The following FLNC variants were observed in gnomAD, a reference collection of about 807,000 sequenced individuals.
FLNC encodes the protein filamin C.
FLNC carries 91 observed loss-of-function variants against 254.3 expected under a neutral mutation model. That is an observed-to-expected ratio of 0.36 (90% CI 0.30 to 0.43). The LOEUF (loss-of-function observed/expected upper bound fraction) is 0.43, where lower values mean the gene tolerates loss of function less well. Ranked by LOEUF, FLNC falls within the 20% of genes least tolerant of loss-of-function variation. The probability of loss-of-function intolerance (pLI) is 1.00; values close to 1 mark genes in which losing one functional copy is unlikely to be tolerated. For missense variants in FLNC, 2,853 were observed against 3,802.6 expected (o/e 0.75, Z 6.57); for synonymous variants, 1,430 against 1,577.2 (o/e 0.91, Z 2.21).
rs772309921 is a variant in FLNC, at chr7:128,842,406, A to T, written c.2265+32A>T. ...CCTCCCGGCCTGCCCCGTGCCCACC[A>T]CCAGGGGTCCCTGAGGGAGGGCGGA... On this transcript the variant is annotated intron_variant, in intron 14 of 47. Coordinates refer to ENST00000325888, the MANE Select transcript of FLNC (RefSeq NM_001458.5). This position sits in a 1 kb window ranked among gnomAD's most constrained non-coding sequence, Gnocchi z 5.4. The T allele has an allele frequency of 1.9e-6, 3 of 1,612,916 alleles. No individual in the cohort carries two copies. The highest frequency in any genetic ancestry group is 1.7e-6 in the Non-Finnish European group (2 of 1,179,814).
Position 128,850,061 on chromosome 7 carries a change from G to T in FLNC, c.5285G>T (p.Arg1762Leu), listed in dbSNP as rs779856224. ...TACGCTCCTCCCCGGCCCGGCGCCC[G>T]CCCCACACACTGGGTACTGCGCCTC... is the stretch of plus-strand genomic sequence containing the variant. ...QPYAPPRPGA[R>L]PTHWATEEPV... The change falls in exon 31 of 48, where the codon CGC becomes CTC. Residue 1762 changes from arginine (R) to leucine (L), a missense_variant. Physicochemically the swap from Arg to Leu is moderately radical, Grantham distance 102. Coordinates refer to ENST00000325888, the MANE Select transcript of FLNC (RefSeq NM_001458.5). 6.5e-7 allele frequency: 1 copy of T among 1,540,088 alleles called. No individual in the cohort carries two copies. Among genetic ancestry groups the T allele is most frequent in the Non-Finnish European group, 8.7e-7 (1 of 1,147,740 alleles).
At chr7:128,837,597 G>T (rs1464793834) in intron 4 of FLNC, 40 bp from the exon 5 acceptor site, 2 of 1,613,576 alleles carry the variant, frequency 1.2e-6, no homozygotes, top group South Asian at 2.2e-5. Flanking sequence ...GCACATGTAG[G>T]CTCTCCCTGA....
At chr7:128,837,049 G>T (rs1808118336) in intron 2 of FLNC, 111 bp from the exon 3 acceptor site, 1 of 772,558 alleles carries the variant, frequency 1.3e-6, no homozygotes, top group Non-Finnish European at 2.2e-6. Flanking sequence ...GCCTAGAGCT[G>T]GTGGGAAGGG....
At chr7:128,845,673 G>A (rs749434463) in intron 21 of FLNC, among the ~76,000 whole-genome samples, 5 of 152,110 alleles carry the variant, frequency 3.3e-5, no homozygotes, top group Admixed American at 6.5e-5. Context: ...CATGGGCCAC[G>A]GCAGAGGGAT....
Position 128,856,495 on chromosome 7 carries a change from A to T in FLNC, c.7252-23A>T. 6.2e-7 allele frequency: 1 copy of T among 1,609,782 alleles called. No homozygotes were observed. On this transcript the variant is annotated intron_variant, in intron 43 of 47. Coordinates refer to ENST00000325888, the MANE Select transcript of FLNC (RefSeq NM_001458.5). The surrounding 1 kb of genome is among the most constrained non-coding windows in gnomAD (Gnocchi z 5.9). ...CCAGCCCCGGCCTCCCAGGAGTCTGAGCATCCTCCGTGGCCTTTGCAGGAG... is the reference window on the plus strand; with the variant it reads ...CCAGCCCCGGCCTCCCAGGAGTCTGTGCATCCTCCGTGGCCTTTGCAGGAG...
In FLNC at chr7:128,845,357, T is replaced by A. The variant is rs1808517108; in HGVS notation, c.3790+102T>A. The A allele has an allele frequency of 5.2e-6, 5 of 956,256 alleles. No individual in the cohort carries two copies. The Admixed American group carries it at 9.8e-5, about 19-fold the overall frequency. The allele number at this position is 956,256 out of a possible 1,614,324, so 59.2% of individuals were successfully genotyped here. On this transcript the variant is annotated intron_variant, in intron 21 of 47. Transcript: ENST00000325888. ...AGAGCTGAGAGCTGGAAGAGCAACC[T>A]GGGGTGAAGGGAGGGCTCTCGGAGC...
rs201839252 is a variant in FLNC at position 128,830,931 on chromosome 7, G to A, written c.294G>A (p.Glu98=). Residue 98 remains glutamate (E), a synonymous_variant, in exon 1 of 48, where the codon GAG becomes GAA. Transcript: ENST00000325888. ...CCAACTTCCGCCAAATGAAGCTGGA[G>A]AACGTGTCCGTGGCCCTCGAGTTCC... The part of the protein sequence containing the change: ...PRPNFRQMKL[E]NVSVALEFLE... The A allele has an allele frequency of 4.4e-4, 712 of 1,612,526 alleles. No homozygotes were observed. Among genetic ancestry groups the A allele is most frequent in the Non-Finnish European group, 5.9e-4 (691 of 1,179,976 alleles).
At position 128,852,717 on chromosome 7, in the gene FLNC, C is replaced by T. The variant is rs1416922638; in HGVS notation, c.5969C>T (p.Pro1990Leu). 6.2e-7 allele frequency: 1 copy of T among 1,613,246 alleles called. No individual in the cohort carries two copies. Among genetic ancestry groups the T allele is most frequent in the Non-Finnish European group, 8.5e-7 (1 of 1,179,830 alleles). ...SIRAPSGNEE[P>L]CLLKRLPNRH... Reference sequence around the variant, plus strand: ...CGTGCCCCCTCGGGCAACGAGGAGCCCTGCCTGCTGAAGCGCCTGCCCAAC... The same window carrying T: ...CGTGCCCCCTCGGGCAACGAGGAGCTCTGCCTGCTGAAGCGCCTGCCCAAC... Residue 1990 changes from proline (P) to leucine (L), a missense_variant, in exon 36 of 48, where the codon CCC becomes CTC. Physicochemically the swap from Pro to Leu is moderately conservative, Grantham distance 98. Coordinates refer to ENST00000325888, the MANE Select transcript of FLNC (RefSeq NM_001458.5).
chr7:128,851,953 C>A (rs1808836127), intron 35 of FLNC, among the ~76,000 whole-genome samples: 2 of 152,304 alleles, frequency 1.3e-5, no homozygotes, highest in South Asian at 4.1e-4. Context: ...GCAACCTCCG[C>A]CTCCCGGGTT....
At position 128,843,589 on chromosome 7, in the gene FLNC, C is replaced by T; in HGVS notation, c.2811+12C>T. Reference sequence around the variant, plus strand: ...CCGCTGTCCAGCAGGTGCGCTCTGCCCCTCCCATGCTACCGCCCGGCCGGC... The same window carrying T: ...CCGCTGTCCAGCAGGTGCGCTCTGCTCCTCCCATGCTACCGCCCGGCCGGC... On this transcript the variant is annotated intron_variant, in intron 18 of 47. Transcript: ENST00000325888. 2 of 1,613,570 alleles carry T rather than the reference C, an allele frequency of 1.2e-6. No individual in the cohort carries two copies. The highest frequency in any genetic ancestry group is 1.1e-5 in the South Asian group (1 of 91,078).
Position 128,830,449 on chromosome 7 carries a change from A to C in FLNC, c.-189A>C. ...TCCGGCCCTGGAGGGAGAGAGAGCC[A>C]GAGAGCGGCCGAGCGCCTAGGAGGC... On this transcript the variant is annotated 5_prime_UTR_variant, in exon 1 of 48. Transcript: ENST00000325888. The C allele has an allele frequency of 1.7e-6, 1 of 604,910 alleles. No homozygotes were observed. The allele number at this position is 604,910 out of a possible 1,614,324, so 37.5% of individuals were successfully genotyped here. A position where few individuals can be genotyped will look rare whatever the true frequency, so the allele number is the denominator to read the frequency against.
chr7:128,840,373 CG>C (rs1044007387), intron 9 of FLNC, among the ~76,000 whole-genome samples, 174 bp from the exon 10 acceptor site: 2 of 152,182 alleles, frequency 1.3e-5, no homozygotes, highest in African/African-American at 4.8e-5. Context: ...AAGTGCTATA[CG>C]GGGTGTTATG....
intron 23 of FLNC, 120 bp downstream of exon 23, chr7:128,846,583 G>T: frequency 7.0e-7 from 1 of 1,425,976 alleles, no homozygotes; most frequent in South Asian, 1.2e-5. Context: ...GGTGAGGCAG[G>T]AGCAGACCCC....
rs574041713 is a variant in FLNC at position 128,850,706 on chromosome 7, C to G, written c.5399-97C>G. On this transcript the variant is annotated intron_variant, in intron 32 of 47. Coordinates refer to ENST00000325888, the MANE Select transcript of FLNC (RefSeq NM_001458.5). ...GGCTGTCTCTTGATGCCTGGCTTCT[C>G]GGGTGGCAGCAGAAGCACTCAGGAC... The G allele has an allele frequency of 3.2e-6, 5 of 1,556,390 alleles. No homozygotes were observed. In the East Asian group the frequency reaches 1.2e-4, roughly 36 times the overall value.
chr7:128,833,812 G>A (rs998184949), intron 1 of FLNC, among the ~76,000 whole-genome samples: 3 of 152,200 alleles, frequency 2.0e-5, no homozygotes, highest in African/African-American at 4.8e-5. Context: ...CAGGGAGTGA[G>A]TGTGTCATGG....
rs2128933710 is a variant in FLNC, at chr7:128,835,594, C to A, written c.601+20C>A. The A allele has an allele frequency of 1.2e-6, 2 of 1,611,706 alleles. No individual in the cohort carries two copies. Among genetic ancestry groups the A allele is most frequent in the Non-Finnish European group, 1.7e-6 (2 of 1,179,568 alleles). On this transcript the variant is annotated intron_variant, in intron 2 of 47. Transcript: ENST00000325888. This position sits in a 1 kb window ranked among gnomAD's most constrained non-coding sequence, Gnocchi z 5.3. ...CCCCCGGTGAGTGGGCCAGTGAGCA[C>A]AGCATGGAGCCCTTAGCTCCCAAAG...
chr7:128,857,147 C>T lies in FLNC; in HGVS notation c.7591C>T (p.Leu2531=). The T allele has an allele frequency of 6.2e-7, 1 of 1,614,170 alleles. No individual in the cohort carries two copies. The highest frequency in any genetic ancestry group is 8.5e-7 in the Non-Finnish European group (1 of 1,180,016). The part of the protein sequence containing the change: ...GVSSEFIVNT[L]NAGSGALSVT... The stretch of plus-strand genomic sequence containing the variant: ...GTCATCAGAGTTCATCGTGAACACC[C>T]TGAATGCCGGCTCGGGGGCCTTGTC... The change falls in exon 46 of 48, where the codon CTG becomes TTG. Residue 2531 remains leucine (L), a synonymous_variant. Coordinates refer to ENST00000325888, the MANE Select transcript of FLNC (RefSeq NM_001458.5). The surrounding 1 kb of genome is among the most constrained non-coding windows in gnomAD (Gnocchi z 4.5).
rs1166300876 is a variant in FLNC at position 128,837,433 on chromosome 7, G to A, written c.735G>A (p.Val245=). 1 of 1,614,144 alleles carries A rather than the reference G, an allele frequency of 6.2e-7. No homozygotes were observed. ...CTGAGGAGATTGTGGACCCCAACGT[G>A]GATGAGCATTCTGTTATGACCTACC... is the stretch of plus-strand genomic sequence containing the variant. ...IAPEEIVDPN[V]DEHSVMTYLS... Residue 245 remains valine (V), a synonymous_variant, in exon 4 of 48, where the codon GTG becomes GTA. Transcript: ENST00000325888.
chr7:128,853,768 A>T lies in FLNC; in HGVS notation c.6415A>T (p.Thr2139Ser). The part of the protein sequence containing the change: ...TGEGRMKESI[T>S]RRRQAPSIAT... ...CGAGGGCCGCATGAAGGAGAGCATC[A>T]CCCGGCGGAGACAGGCACCTTCCAT... The change falls in exon 39 of 48, where the codon ACC (threonine) becomes TCC (serine). Residue 2139 changes from threonine (T) to serine (S), a missense_variant. By Grantham distance (58) the Thr-to-Ser change is moderately conservative (BLOSUM62 1). Coordinates refer to ENST00000325888, the MANE Select transcript of FLNC (RefSeq NM_001458.5). 1.2e-6 allele frequency: 2 copies of T among 1,613,738 alleles called. No individual in the cohort carries two copies. Among genetic ancestry groups the T allele is most frequent in the Non-Finnish European group, 1.7e-6 (2 of 1,180,018 alleles).
Sources: allele counts gnomAD v4.1 joint callset (sites outside exome capture counted in the v4.1 genomes callset), GRCh38; gene constraint gnomAD v4.1.1; non-coding constraint Gnocchi (gnomAD v3.1); transcripts MANE v1.5; gene names NCBI Gene and HGNC (gene_info 2026-07-23, HGNC 2026-07-21).